Variants in MTHFD1L observed in about 807,000 individuals in gnomAD.
MTHFD1L encodes methylenetetrahydrofolate dehydrogenase (NADP+ dependent) 1 like.
A neutral mutation model predicts 119.5 loss-of-function variants in MTHFD1L; 81 were observed. The ratio of observed to expected loss-of-function variants is 0.68; its 90% CI spans 0.57 to 0.82. The LOEUF is 0.82. Among genes scored for constraint, MTHFD1L ranks in the 40% least tolerant of loss-of-function variants. MTHFD1L has a pLI of 0.00. For synonymous variants in MTHFD1L, 430 were observed against 475.2 expected (o/e 0.90, Z 1.24); for missense variants, 1,125 against 1,253.4 (o/e 0.90, Z 1.55).
At chr6:150,881,632 T>C (rs1781409054) in intron 4 of MTHFD1L, among the ~76,000 whole-genome samples, 1 of 152,174 alleles carries the variant, frequency 6.6e-6, no homozygotes, top group African/African-American at 2.4e-5. Context: ...GTTAGCCTTT[T>C]ACCCCACTGA....
At chr6:151,097,547 G>T (rs1403189108) in intron 27 of MTHFD1L, among the ~76,000 whole-genome samples, 1 of 152,164 alleles carries the variant, frequency 6.6e-6, no homozygotes, top group Non-Finnish European at 1.5e-5. Context: ...AAGCTAAAAA[G>T]CTTACCCTCA....
At chr6:151,083,978 G>A (rs1394659453) in intron 26 of MTHFD1L, among the ~76,000 whole-genome samples, 3 of 152,118 alleles carry the variant, frequency 2.0e-5, no homozygotes, top group Admixed American at 6.6e-5. Context: ...TGCATACAAC[G>A]TGCTTAGCAT....
chr6:150,922,836 G>A (rs1203579311), intron 10 of MTHFD1L, among the ~76,000 whole-genome samples: 2 of 150,064 alleles, frequency 1.3e-5, no homozygotes, highest in African/African-American at 2.5e-5. Flanking sequence ...TAGAGATGGG[G>A]GTTTCACCAT....
intron 20 of MTHFD1L, among the ~76,000 whole-genome samples, chr6:150,990,548 C>G (rs1417666178): frequency 6.6e-6 from 1 of 152,116 alleles, no homozygotes; most frequent in Non-Finnish European, 1.5e-5. Flanking sequence ...CAACCTCCAC[C>G]TCCCAGGTTC....
At chr6:151,079,989 A>G (rs933511095) in intron 26 of MTHFD1L, among the ~76,000 whole-genome samples, 1 of 151,314 alleles carries the variant, frequency 6.6e-6, no homozygotes, top group Admixed American at 6.6e-5. Flanking sequence ...AGCCTGGCCA[A>G]CGTGGTGAAA....
intron 12 of MTHFD1L, 90 bp from the exon 13 acceptor site, chr6:150,938,609 G>A (rs1007675653): frequency 2.2e-6 from 3 of 1,379,690 alleles, no homozygotes; most frequent in African/African-American, 2.9e-5. Context: ...CCTCTCTGTT[G>A]GGTTTGGGGA....
At chr6:150,990,100 G>A (rs1311615324) in intron 20 of MTHFD1L, among the ~76,000 whole-genome samples, 1 of 152,100 alleles carries the variant, frequency 6.6e-6, no homozygotes, top group East Asian at 1.9e-4. Context: ...CCAACATGGT[G>A]AAACCCTGTC....
At chr6:150,911,356 G>T (rs6557099) in intron 8 of MTHFD1L, among the ~76,000 whole-genome samples, 7,330 of 152,142 alleles carry the variant, frequency 0.048, 609 homozygotes, top group African/African-American at 0.17. Context: ...TTGACAGTAA[G>T]AATTCAAATA....
intron 20 of MTHFD1L, among the ~76,000 whole-genome samples, chr6:150,993,343 G>A (rs1486814984): frequency 1.3e-5 from 2 of 151,510 alleles, no homozygotes; most frequent in Admixed American, 1.3e-4. Flanking sequence ...TTTTTTTTTG[G>A]ACAGTCTTGC....
At chr6:151,064,781 CTTTTTTTGTTT>C (rs1163011975) in intron 26 of MTHFD1L, among the ~76,000 whole-genome samples, 26 of 125,982 alleles carry the variant, frequency 2.1e-4, no homozygotes, top group African/African-American at 4.7e-4. Context: ...TGTTACTATT[CTTTTTTTGTTT>C]TTTTTTTGTT....
chr6:150,970,325 C>T (rs1015905073), intron 19 of MTHFD1L, among the ~76,000 whole-genome samples: 1 of 152,184 alleles, frequency 6.6e-6, no homozygotes, highest in African/African-American at 2.4e-5. Context: ...ACAGTGAGAG[C>T]TGTTAACATT....
intron 7 of MTHFD1L, among the ~76,000 whole-genome samples, chr6:150,891,485 G>T (rs1331927332): frequency 6.8e-6 from 1 of 147,050 alleles, no homozygotes; most frequent in East Asian, 2.0e-4. Context: ...ATTTAGGTCA[G>T]GACATTTAGA....
intron 26 of MTHFD1L, among the ~76,000 whole-genome samples, chr6:151,059,238 T>C (rs986600764): frequency 2.5e-4 from 38 of 152,144 alleles, no homozygotes; most frequent in African/African-American, 9.2e-4. Context: ...TTAGATGCAG[T>C]CTCACTCTTT....
chr6:150,994,077 A>AAAGAAAGAAAGAAAGAAAGAAGAAAG (rs1562508689), intron 20 of MTHFD1L, among the ~76,000 whole-genome samples: 3 of 105,308 alleles, frequency 2.8e-5, no homozygotes, highest in Non-Finnish European at 3.8e-5. Flanking sequence ...AAAAAAAAAA[A>AAAGAAAGAAAGAAAGAAAGAAGAAAG]AAAGAAAGAA....
At chr6:150,869,497 G>T (rs1456875060) in intron 1 of MTHFD1L, among the ~76,000 whole-genome samples, 3 of 152,082 alleles carry the variant, frequency 2.0e-5, no homozygotes, top group Non-Finnish European at 4.4e-5. Flanking sequence ...CCCTGCAGAG[G>T]ACATGAACTC....
chr6:150,943,612 T>C (rs1475035806), intron 13 of MTHFD1L, among the ~76,000 whole-genome samples: 2 of 152,248 alleles, frequency 1.3e-5, no homozygotes, highest in African/African-American at 4.8e-5. Flanking sequence ...TGGCCTTTCT[T>C]GTAAAAGTGA....
intron 8 of MTHFD1L, among the ~76,000 whole-genome samples, chr6:150,909,507 G>C (rs1354980020): frequency 2.0e-5 from 3 of 152,106 alleles, no homozygotes; most frequent in African/African-American, 7.2e-5. Context: ...CCTCCAAAAA[G>C]TGCTGAGATT....
At chr6:151,010,087 T>C in intron 21 of MTHFD1L, 129 bp downstream of exon 21, 1 of 1,178,150 alleles carries the variant, frequency 8.5e-7, no homozygotes. Flanking sequence ...AAACTTTTTT[T>C]TTCCTGTAGA....
At chr6:150,895,845 G>C (rs1343195071) in intron 7 of MTHFD1L, among the ~76,000 whole-genome samples, 1 of 152,166 alleles carries the variant, frequency 6.6e-6, no homozygotes, top group Non-Finnish European at 1.5e-5. Flanking sequence ...TGAGTTACAT[G>C]ACAATTCTCC....
Sources: gnomAD v4.1 joint callset for allele counts (sites outside exome capture counted in the v4.1 genomes callset) on GRCh38, gnomAD v4.1.1 for gene constraint, MANE v1.5 for transcripts, NCBI Gene and HGNC (gene_info 2026-07-23, HGNC 2026-07-21) for gene names.